Variants in MYBPHL observed in about 807,000 individuals in gnomAD.
MYBPHL encodes the protein myosin binding protein H like.
A neutral mutation model predicts 39.5 loss-of-function variants in MYBPHL; 32 were observed. The observed-to-expected ratio is 0.81, with a 90% CI of 0.61 to 1.09. MYBPHL has a LOEUF of 1.09. Ranked by LOEUF, MYBPHL falls within the 50% of genes least tolerant of loss-of-function variation. The pLI, the probability that MYBPHL is intolerant of heterozygous loss-of-function variation, is 0.00. For missense variants in MYBPHL, 456 were observed against 460.2 expected, an observed-to-expected ratio of 0.99 and a Z score of 0.08; for synonymous variants, 196 against 183.7, an observed-to-expected ratio of 1.07 and a Z score of -0.54.
Position 109,297,124 on chromosome 1 carries a change from A to T in MYBPHL, c.496T>A (p.Trp166Arg). ...TTCCCCGTATCTTGGGGCGGTGTCCATTCCAGTGTAGCGCTGAAGCCCCAA... is the reference window on the plus strand; with the variant it reads ...TTCCCCGTATCTTGGGGCGGTGTCCTTTCCAGTGTAGCGCTGAAGCCCCAA... ...DVWGFSATLE[W>R]TPPQDTGNTA... The change falls in exon 4 of 9, where the codon TGG becomes AGG. Residue 166 changes from tryptophan to arginine, a missense_variant. Physicochemically the swap from Trp to Arg is moderately radical, Grantham distance 101. Coordinates refer to ENST00000357155, the MANE Select transcript of MYBPHL (RefSeq NM_001010985.3). 6.2e-7 allele frequency: 1 copy of T among 1,614,094 alleles called. No homozygotes were observed. The highest frequency in any genetic ancestry group is 8.5e-7 in the Non-Finnish European group (1 of 1,180,014).
chr1:109,293,168 C>A (rs749855005), intron 8 of MYBPHL, among the ~76,000 whole-genome samples: 1 of 152,108 alleles, frequency 6.6e-6, no homozygotes, highest in Non-Finnish European at 1.5e-5. Flanking sequence ...GAGCAGCCTC[C>A]CCTGTCCTTA....
chr1:109,293,417 C>A (rs1385292525), intron 8 of MYBPHL, among the ~76,000 whole-genome samples: 1 of 152,220 alleles, frequency 6.6e-6, no homozygotes, highest in East Asian at 1.9e-4. Context: ...ACTATAAATT[C>A]TCTCCACAGG....
intron 6 of MYBPHL, 58 bp from the exon 7 acceptor site, chr1:109,295,355 T>A (rs1658024824): frequency 6.7e-6 from 10 of 1,496,712 alleles, no homozygotes; most frequent in Non-Finnish European, 9.1e-6. Flanking sequence ...ACCAATAGTC[T>A]TTCTGTGCTC....
intron 4 of MYBPHL, 43 bp downstream of exon 4, chr1:109,297,007 A>G: frequency 6.2e-7 from 1 of 1,613,950 alleles, no homozygotes; most frequent in Non-Finnish European, 8.5e-7. Flanking sequence ...GGCCTGTCCC[A>G]ACATGCCCTC....
chr1:109,303,571 G>C (rs539269201), intron 1 of MYBPHL, among the ~76,000 whole-genome samples: 9 of 152,190 alleles, frequency 5.9e-5, no homozygotes, highest in Admixed American at 5.9e-4. Flanking sequence ...AAGTTCACTC[G>C]GTCTCCCATT....
intron 1 of MYBPHL, among the ~76,000 whole-genome samples, chr1:109,300,302 C>T (rs1480882267): frequency 1.3e-5 from 2 of 152,266 alleles, no homozygotes; most frequent in Non-Finnish European, 2.9e-5. Flanking sequence ...TCTCAGAGCA[C>T]TAGCTGTGTC....
At chr1:109,297,321 G>A (rs1658113149) in intron 3 of MYBPHL, 101 bp downstream of exon 3, 5 of 1,561,120 alleles carry the variant, frequency 3.2e-6, no homozygotes, top group South Asian at 1.2e-5. Context: ...ACATGACGTG[G>A]GAGCCTTGCC....
chr1:109,294,997 C>A (rs1658003745), intron 7 of MYBPHL, 114 bp downstream of exon 7: 1 of 942,790 alleles, frequency 1.1e-6, no homozygotes, highest in Non-Finnish European at 1.6e-6. Flanking sequence ...TGAAAGAGTC[C>A]AGCGGAGGAA....
At position 109,298,205 on chromosome 1, in the gene MYBPHL, C is replaced by T. The variant is rs373790853; in HGVS notation, c.198G>A (p.Lys66=). ...PRALRQTYIR[K]VGDTVNLLIP... The stretch of plus-strand genomic sequence containing the variant: ...TTAGTAGGTTCACTGTGTCCCCAAC[C>T]TTCCGGATGTAGGTCTGCCTCAGGG... Residue 66 remains lysine, a synonymous_variant, in exon 2 of 9, where the codon AAG becomes AAA. Transcript: ENST00000357155. The T allele has an allele frequency of 2.4e-5, 38 of 1,610,252 alleles. No homozygotes were observed. The highest frequency in any genetic ancestry group is 3.2e-5 in the Non-Finnish European group (38 of 1,178,482).
chr1:109,293,941 G>A (rs1657961065), intron 8 of MYBPHL, among the ~76,000 whole-genome samples: 1 of 151,774 alleles, frequency 6.6e-6, no homozygotes, highest in Admixed American at 6.6e-5. Flanking sequence ...GCGGGCGCCT[G>A]TCATCCCAGC....
At chr1:109,296,397 G>T (rs760566211) in intron 5 of MYBPHL, 27 bp from the exon 6 acceptor site, 2 of 1,611,398 alleles carry the variant, frequency 1.2e-6, no homozygotes, top group Non-Finnish European at 1.7e-6. Flanking sequence ...GGGCTGGCAT[G>T]TAGCTTCTGA....
intron 7 of MYBPHL, 124 bp downstream of exon 7, chr1:109,294,987 T>C (rs1036591812): frequency 1.3e-6 from 1 of 797,928 alleles, no homozygotes; most frequent in African/African-American, 1.7e-5. Context: ...ATGACAGTGA[T>C]GAAAGAGTCC....
At chr1:109,298,579 C>A (rs1658171980) in intron 1 of MYBPHL, among the ~76,000 whole-genome samples, 1 of 152,046 alleles carries the variant, frequency 6.6e-6, no homozygotes, top group Admixed American at 6.5e-5. Context: ...TTTTATTTTT[C>A]TGTTTGTGTA....
chr1:109,303,598 G>A (rs115742949), intron 1 of MYBPHL, among the ~76,000 whole-genome samples: 30 of 152,186 alleles, frequency 2.0e-4, no homozygotes, highest in South Asian at 4.2e-4. Flanking sequence ...GGTGACTATC[G>A]CACACCTTTC....
chr1:109,305,588 T>G (rs1658440286), intron 1 of MYBPHL, among the ~76,000 whole-genome samples: 1 of 152,252 alleles, frequency 6.6e-6, no homozygotes, highest in African/African-American at 2.4e-5. Context: ...CTCATTCTCC[T>G]GCTGCCTGTC....
In MYBPHL at chr1:109,298,231, C is replaced by A. The variant is rs750314990; in HGVS notation, c.172G>T (p.Ala58Ser). The A allele has an allele frequency of 2.5e-6, 4 of 1,609,810 alleles. No homozygotes were observed. Among genetic ancestry groups the A allele is most frequent in the Non-Finnish European group, 3.4e-6 (4 of 1,178,252 alleles). The stretch of plus-strand genomic sequence containing the variant: ...TTCCGGATGTAGGTCTGCCTCAGGG[C>A]CCGAGGTAGCCAGATCTTGGGGTGC... ...EEHPKIWLPR[A>S]LRQTYIRKVG... is the part of the protein sequence containing the mutation. Residue 58 changes from alanine to serine, a missense_variant, in exon 2 of 9, where the codon GCC becomes TCC. Coordinates refer to ENST00000357155, the MANE Select transcript of MYBPHL (RefSeq NM_001010985.3).
intron 1 of MYBPHL, among the ~76,000 whole-genome samples, chr1:109,299,905 C>T (rs1658223758): frequency 6.6e-6 from 1 of 152,202 alleles, no homozygotes; most frequent in African/African-American, 2.4e-5. Context: ...GGCTTCTCTC[C>T]TGTGGCCATC....
At chr1:109,303,761 C>T (rs981831612) in intron 1 of MYBPHL, among the ~76,000 whole-genome samples, 1 of 152,190 alleles carries the variant, frequency 6.6e-6, no homozygotes, top group African/African-American at 2.4e-5. Flanking sequence ...ACTCCCAGTC[C>T]CTGCACTGGC....
chr1:109,297,334 A>C, intron 3 of MYBPHL, 88 bp downstream of exon 3: 1 of 1,555,782 alleles, frequency 6.4e-7, no homozygotes, highest in Non-Finnish European at 8.7e-7. Context: ...GCCTTGCCGC[A>C]GCTTCCCCAG....
Sources: allele counts gnomAD v4.1 joint callset (sites outside exome capture counted in the v4.1 genomes callset), GRCh38; gene constraint gnomAD v4.1.1; transcripts MANE v1.5; gene names NCBI Gene and HGNC (gene_info 2026-07-23, HGNC 2026-07-21).